CLCN1: variants seen among roughly 807,000 people sequenced by gnomAD.
CLCN1 encodes chloride voltage-gated channel 1.
Under a neutral mutation model 114.5 loss-of-function variants are expected in CLCN1, and 100 were observed. The observed-to-expected ratio is 0.87, with a 90% CI of 0.74 to 1.03. The LOEUF is 1.03. CLCN1 is among the 50% of genes least tolerant of loss of function. The pLI is 0.00. For missense variants in CLCN1, 1,188 were observed against 1,250.0 expected (o/e 0.95, Z 0.75); for synonymous variants, 485 against 487.1 (o/e 1.00, Z 0.06).
Position 143,316,242 on chromosome 7 carries a change from G to A in CLCN1, c.30G>A (p.Gly10=). The A allele has an allele frequency of 3.1e-6, 5 of 1,613,758 alleles. No homozygotes were observed. Among genetic ancestry groups the A allele is most frequent in the East Asian group, 2.2e-5 (1 of 44,858 alleles). The change falls in exon 1 of 23, where the codon GGG becomes GGA. Residue 10 remains glycine (G), a synonymous_variant. Transcript: ENST00000343257. ...AGCAATCCCGGTCACAGCAGCGTGGGGGTGAACAAAGCTGGTGGGGTAGTG... is the reference window on the plus strand; with the variant it reads ...AGCAATCCCGGTCACAGCAGCGTGGAGGTGAACAAAGCTGGTGGGGTAGTG... The part of the protein sequence containing the change: MEQSRSQQR[G]GEQSWWGSDP...
At chr7:143,337,063 A>G (rs544545391) in intron 12 of CLCN1, among the ~76,000 whole-genome samples, 1 of 152,294 alleles carries the variant, frequency 6.6e-6, no homozygotes, top group East Asian at 1.9e-4. Context: ...TCTGCAGACA[A>G]TCTGATGTGG....
chr7:143,336,604 C>CAAAAAAAAAAAAAAAAAAAA (rs573516521), intron 12 of CLCN1, among the ~76,000 whole-genome samples: 4 of 80,398 alleles, frequency 5.0e-5, no homozygotes, highest in East Asian at 4.4e-4. Flanking sequence ...AAGACTCTGT[C>CAAAAAAAAAAAAAAAAAAAA]AAAAAAAAAA....
At chr7:143,348,185 A>G (rs990066439) in intron 20 of CLCN1, among the ~76,000 whole-genome samples, 40 of 152,106 alleles carry the variant, frequency 2.6e-4, no homozygotes, top group African/African-American at 8.9e-4. Context: ...AACCTTCCCC[A>G]CCCCCTCAAA....
Position 143,346,627 on chromosome 7 carries a change from G to A in CLCN1, c.2333G>A (p.Arg778Lys). Residue 778 changes from arginine (R) to lysine (K), a missense_variant, in exon 19 of 23, where the codon AGA becomes AAA. Transcript: ENST00000343257. ...TCCCTGCTTCACTGCTTGCTGGGCA[G>A]AGCTCGCCCCACAAAGAAGAAAACA... is the stretch of plus-strand genomic sequence containing the variant. ...FQSLLHCLLGRARPTKKKTTQ... is the reference protein window; with the variant it reads ...FQSLLHCLLGKARPTKKKTTQ... 1 of 1,613,898 alleles carries A rather than the reference G, an allele frequency of 6.2e-7. No homozygotes were observed. Among genetic ancestry groups the A allele is most frequent in the Middle Eastern group, 1.6e-4 (1 of 6,062 alleles).
chr7:143,321,648 A>G lies in CLCN1; in HGVS notation c.563-67A>G, dbSNP rs753320397. 163 of 1,610,576 alleles carry G rather than the reference A, an allele frequency of 1.0e-4. No homozygotes were observed. Among genetic ancestry groups the G allele is most frequent in the Middle Eastern group, 3.3e-4 (2 of 6,082 alleles). ...AGCCCTCTCCAATTCCCATTCCCAT[A>G]TTCTGGACATTCATCTCCCTTTTCA... On this transcript the variant is annotated intron_variant, in intron 4 of 22. Transcript: ENST00000343257. The surrounding 1 kb of genome is among the most constrained non-coding windows in gnomAD (Gnocchi z 4.2).
In CLCN1 at chr7:143,330,890, G is replaced by C. The variant is rs1193395764; in HGVS notation, c.972G>C (p.Lys324Asn). Residue 324 changes from lysine (K) to asparagine (N), a missense_variant, in exon 8 of 23, where the codon AAG (lysine) becomes AAC (asparagine). Physicochemically the swap from Lys to Asn is moderately conservative, Grantham distance 94. Transcript: ENST00000343257. ...TTCGAGTGCTGGCAGTGTGGAACAAGGATGCTGGTAACCAAGGAGGCCTTG... is the reference window on the plus strand; with the variant it reads ...TTCGAGTGCTGGCAGTGTGGAACAACGATGCTGGTAACCAAGGAGGCCTTG... Reference protein sequence around the residue: ...FVFRVLAVWNKDAVTITALFR... With the variant: ...FVFRVLAVWNNDAVTITALFR... The C allele has an allele frequency of 2.5e-6, 4 of 1,614,092 alleles. No homozygotes were observed. Among genetic ancestry groups the C allele is most frequent in the Non-Finnish European group, 3.4e-6 (4 of 1,180,058 alleles).
intron 7 of CLCN1, among the ~76,000 whole-genome samples, chr7:143,329,931 G>A (rs570313923): frequency 4.0e-5 from 6 of 151,824 alleles, no homozygotes; most frequent in African/African-American, 9.7e-5. Flanking sequence ...GCCCTCACTC[G>A]CATTCCTTAC....
rs78040569 is a variant in CLCN1 at position 143,320,494 on chromosome 7, G to T, written c.302-170G>T. On this transcript the variant is annotated intron_variant, in intron 2 of 22. Transcript: ENST00000343257. ...GACATACGGACCCTGGGGGCCCAAG[G>T]CTTCCCCTCCCATCTTGGGTATAGC... 7.4e-3 allele frequency among the ~76,000 whole-genome samples: 1,131 copies of T among 151,814 alleles called. 18 individuals carry two copies. The highest frequency in any genetic ancestry group is 0.026 in the African/African-American group (1,055 of 41,350).
chr7:143,332,368 A>G (rs1418693930), intron 10 of CLCN1, 51 bp from the exon 11 acceptor site: 2 of 1,343,406 alleles, frequency 1.5e-6, no homozygotes, highest in African/African-American at 1.4e-5. Context: ...TCAGTATGGT[A>G]TTTACTGTGA....
At chr7:143,337,001 T>C (rs1310769444) in intron 12 of CLCN1, among the ~76,000 whole-genome samples, 1 of 152,216 alleles carries the variant, frequency 6.6e-6, no homozygotes, top group Non-Finnish European at 1.5e-5. Flanking sequence ...AGTCCAACTG[T>C]TAAATGTCAG....
At position 143,339,280 on chromosome 7, in the gene CLCN1, A is replaced by G; in HGVS notation, c.1429A>G (p.Met477Val). ...KFWMSIVATT[M>V]PIPCGGFMPV... ...CTGGATGTCCATCGTGGCCACCACT[A>G]TGCCCATACCCTGCGGAGGCTTCAT... Residue 477 changes from methionine (M) to valine (V), a missense_variant, in exon 13 of 23, where the codon ATG becomes GTG. Physicochemically the swap from Met to Val is conservative, Grantham distance 21 (BLOSUM62 1). Transcript: ENST00000343257. The surrounding 1 kb of genome is among the most constrained non-coding windows in gnomAD (Gnocchi z 4.1). The G allele has an allele frequency of 6.2e-7, 1 of 1,613,284 alleles. No homozygotes were observed. Among genetic ancestry groups the G allele is most frequent in the Non-Finnish European group, 8.5e-7 (1 of 1,179,204 alleles).
rs145280046 is a variant in CLCN1 at position 143,321,383 on chromosome 7, C to T, written c.452C>T (p.Ala151Val). The part of the protein sequence containing the change: ...KSLQAYKWSY[A>V]QMQPSLPLQF... ...TCCGCAGCCTACAAGTGGTCCTACG[C>T]GCAGATGCAGCCCAGCCTTCCTCTG... Residue 151 changes from alanine to valine, a missense_variant, in exon 4 of 23, where the codon GCG becomes GTG. Transcript: ENST00000343257. This position sits in a 1 kb window ranked among gnomAD's most constrained non-coding sequence, Gnocchi z 4.2. 1.7e-5 allele frequency: 27 copies of T among 1,614,108 alleles called. No individual in the cohort carries two copies. Among genetic ancestry groups the T allele is most frequent in the Middle Eastern group, 1.6e-4 (1 of 6,084 alleles).
intron 12 of CLCN1, 126 bp downstream of exon 12, chr7:143,332,999 T>C (rs933983986): frequency 3.5e-6 from 4 of 1,127,194 alleles, no homozygotes; most frequent in Non-Finnish European, 5.4e-6. Flanking sequence ...AAATAAGTCA[T>C]TTGAAAACCA....
rs750881030 is a variant in CLCN1, at chr7:143,331,215, G to A, written c.980-17G>A. ...CTACGAAGCTCCCATCGTAATACTG[G>A]CCTTTCCATCCTACAGTCACCATCA... On this transcript the variant is annotated splice_polypyrimidine_tract_variant and intron_variant, in intron 8 of 22. Coordinates refer to ENST00000343257, the MANE Select transcript of CLCN1 (RefSeq NM_000083.3). 3.2e-6 allele frequency: 5 copies of A among 1,577,690 alleles called. No homozygotes were observed. Among genetic ancestry groups the A allele is most frequent in the Middle Eastern group, 1.7e-4 (1 of 6,030 alleles).
intron 15 of CLCN1, 24 bp downstream of exon 15, chr7:143,342,166 G>A: frequency 6.2e-7 from 1 of 1,606,162 alleles, no homozygotes; most frequent in East Asian, 2.2e-5. Flanking sequence ...GACGGAATTA[G>A]TTCAGATCTG....
intron 7 of CLCN1, among the ~76,000 whole-genome samples, 156 bp from the exon 8 acceptor site, chr7:143,330,616 G>A (rs1391815425): frequency 6.6e-6 from 1 of 152,172 alleles, no homozygotes; most frequent in East Asian, 1.9e-4. Flanking sequence ...CAGTTGTGTG[G>A]TTTTGAGCAT....
At chr7:143,345,124 T>C (rs28757640) in intron 16 of CLCN1, among the ~76,000 whole-genome samples, 5,483 of 152,276 alleles carry the variant, frequency 0.036, 343 homozygotes, top group African/African-American at 0.12. Context: ...GGGAGAGATA[T>C]AATGTTTGTA....
Position 143,332,844 on chromosome 7 carries a change from A to C in CLCN1, c.1372A>C (p.Ile458Leu). Residue 458 changes from isoleucine (I) to leucine (L), a missense_variant, in exon 12 of 23, where the codon ATC becomes CTC. Transcript: ENST00000343257. The stretch of plus-strand genomic sequence containing the variant: ...GATTCACCCCCGGGTCAACGTTGTC[A>C]TCATCATCTTTCTCTTCTTCGTCAT... ...VWIHPRVNVV[I>L]IIFLFFVMKF... The C allele has an allele frequency of 6.2e-7, 1 of 1,614,174 alleles. No individual in the cohort carries two copies.
Position 143,321,569 on chromosome 7 carries a change from C to T in CLCN1, c.562+76C>T. On this transcript the variant is annotated intron_variant, in intron 4 of 22. Coordinates refer to ENST00000343257, the MANE Select transcript of CLCN1 (RefSeq NM_000083.3). The surrounding 1 kb of genome is among the most constrained non-coding windows in gnomAD (Gnocchi z 4.2). ...CCTGTCTGTCTCCCCCATCATCCAG[C>T]CCCACCCACAGCCCTGTGCTGCCTT... is the stretch of plus-strand genomic sequence containing the variant. The T allele has an allele frequency of 6.2e-7, 1 of 1,609,470 alleles. No individual in the cohort carries two copies.
Sources: allele counts gnomAD v4.1 joint callset (sites outside exome capture counted in the v4.1 genomes callset), GRCh38; gene constraint gnomAD v4.1.1; non-coding constraint Gnocchi (gnomAD v3.1); transcripts MANE v1.5; gene names NCBI Gene and HGNC (gene_info 2026-07-23, HGNC 2026-07-21).